The following RANBP10 variants were observed in gnomAD, a reference collection of about 807,000 sequenced individuals.
RANBP10 encodes the protein RAN binding protein 10, also known as ran-binding protein 10.
A neutral mutation model predicts 72.8 loss-of-function variants in RANBP10; 24 were observed. That is an observed-to-expected ratio of 0.33 (90% CI 0.24 to 0.46). RANBP10 has a LOEUF of 0.46. Among genes scored for constraint, RANBP10 ranks in the 20% least tolerant of loss-of-function variants. RANBP10 has a pLI of 1.00. For missense variants in RANBP10, 679 were observed against 817.5 expected (o/e 0.83, Z 2.07); for synonymous variants, 310 against 322.3 (o/e 0.96, Z 0.41).
At chr16:67,788,083 C>T (rs1223399048) in intron 2 of RANBP10, among the ~76,000 whole-genome samples, 8 of 152,048 alleles carry the variant, frequency 5.3e-5, no homozygotes, top group Admixed American at 2.0e-4. Context: ...ATGATCCACC[C>T]GCCTCAGCCT....
At chr16:67,752,358 G>A (rs898191646) in intron 3 of RANBP10, among the ~76,000 whole-genome samples, 3 of 152,138 alleles carry the variant, frequency 2.0e-5, no homozygotes, top group Admixed American at 1.3e-4. Context: ...ATGAGTCAAG[G>A]AACACAGGAG....
At chr16:67,757,530 G>A (rs913960922) in intron 3 of RANBP10, among the ~76,000 whole-genome samples, 4 of 152,082 alleles carry the variant, frequency 2.6e-5, no homozygotes, top group African/African-American at 4.8e-5. Context: ...GGTACATTGC[G>A]GGACATCATG....
intron 2 of RANBP10, among the ~76,000 whole-genome samples, chr16:67,790,246 G>A (rs187453267): frequency 6.6e-6 from 1 of 151,864 alleles, no homozygotes; most frequent in East Asian, 1.9e-4. Context: ...TCAAGAATAA[G>A]CAAATTCATA....
chr16:67,770,086 C>T (rs1362166591), intron 3 of RANBP10, among the ~76,000 whole-genome samples: 1 of 151,956 alleles, frequency 6.6e-6, no homozygotes, highest in Non-Finnish European at 1.5e-5. Context: ...CAAAAAAAAG[C>T]TCATAAAAGT....
At chr16:67,744,195 G>C (rs544552400) in intron 4 of RANBP10, 93 bp downstream of exon 4, 1 of 1,530,582 alleles carries the variant, frequency 6.5e-7, no homozygotes, top group African/African-American at 1.4e-5. Context: ...GAGCTCAGCA[G>C]AGGCGACACT....
chr16:67,759,333 T>C (rs1203147803), intron 3 of RANBP10, among the ~76,000 whole-genome samples: 1 of 152,246 alleles, frequency 6.6e-6, no homozygotes, highest in East Asian at 1.9e-4. Context: ...GCCCTGGTGC[T>C]GAACAGCTGC....
chr16:67,729,490 A>G lies in RANBP10; in HGVS notation c.1148-6T>C. ...ACAGCTGGGACTGTCTGCTCCTAGAAGCCAGGGTGACAGTCAGAAGAGGAG... is the reference window on the plus strand; with the variant it reads ...ACAGCTGGGACTGTCTGCTCCTAGAGGCCAGGGTGACAGTCAGAAGAGGAG... On this transcript the variant is annotated splice_region_variant and splice_polypyrimidine_tract_variant and intron_variant, in intron 9 of 13. Coordinates refer to ENST00000317506, the MANE Select transcript of RANBP10 (RefSeq NM_020850.3). This position sits in a 1 kb window ranked among gnomAD's most constrained non-coding sequence, Gnocchi z 7.1. The G allele has an allele frequency of 6.2e-7, 1 of 1,609,902 alleles. No homozygotes were observed. The highest frequency in any genetic ancestry group is 8.5e-7 in the Non-Finnish European group (1 of 1,178,220).
At chr16:67,779,711 C>A (rs1426747059) in intron 2 of RANBP10, among the ~76,000 whole-genome samples, 1 of 152,124 alleles carries the variant, frequency 6.6e-6, no homozygotes, top group Admixed American at 6.6e-5. Context: ...TTCTTCCAGT[C>A]ATTCATGTCA....
chr16:67,786,032 ACAT>A (rs965006591), intron 2 of RANBP10, among the ~76,000 whole-genome samples: 5 of 151,446 alleles, frequency 3.3e-5, no homozygotes, highest in Non-Finnish European at 7.4e-5. Flanking sequence ...AAAAAAAAAG[ACAT>A]CATCAAGAGG....
intron 4 of RANBP10, among the ~76,000 whole-genome samples, chr16:67,743,305 G>C (rs1025800225): frequency 1.3e-5 from 2 of 152,208 alleles, no homozygotes; most frequent in Admixed American, 6.5e-5. Flanking sequence ...TGGGCTGGTA[G>C]AGTTCTGCCA....
intron 2 of RANBP10, among the ~76,000 whole-genome samples, chr16:67,775,205 G>A (rs2054679328): frequency 6.6e-6 from 1 of 152,140 alleles, no homozygotes; most frequent in Non-Finnish European, 1.5e-5. Context: ...CCAGCTACCA[G>A]GGAGCTGAAG....
At chr16:67,750,702 C>G (rs1251116343) in intron 3 of RANBP10, among the ~76,000 whole-genome samples, 1 of 151,428 alleles carries the variant, frequency 6.6e-6, no homozygotes, top group Non-Finnish European at 1.5e-5. Context: ...GATTTTTATG[C>G]AAATTTTACT....
Position 67,752,602 on chromosome 16 carries a change from G to A in RANBP10, c.401-8147C>T, listed in dbSNP as rs368696998. Among the ~76,000 whole-genome samples the A allele has an allele frequency of 5.9e-5, 9 of 151,848 alleles. No homozygotes were observed. The East Asian group carries it at 1.5e-3, about 26-fold the overall frequency. On this transcript the variant is annotated intron_variant, in intron 3 of 13. Coordinates refer to ENST00000317506, the MANE Select transcript of RANBP10 (RefSeq NM_020850.3). ...CTGAAGCTATCAATATTTTTTTCCA[G>A]ACACAATAAGTGTCTGTGTGTATAT...
At chr16:67,753,880 A>G (rs928105837) in intron 3 of RANBP10, among the ~76,000 whole-genome samples, 2 of 152,174 alleles carry the variant, frequency 1.3e-5, no homozygotes, top group African/African-American at 4.8e-5. Context: ...CATGCCTGTG[A>G]TCCCAGCACT....
chr16:67,781,277 G>C (rs2054804661), intron 2 of RANBP10, among the ~76,000 whole-genome samples: 1 of 152,164 alleles, frequency 6.6e-6, no homozygotes, highest in Non-Finnish European at 1.5e-5. Context: ...ACAAACACCT[G>C]TTTACTTGAG....
In RANBP10 at chr16:67,730,610, C is replaced by T. The variant is rs148471353; in HGVS notation, c.890-564G>A. On this transcript the variant is annotated intron_variant, in intron 7 of 13. Coordinates refer to ENST00000317506, the MANE Select transcript of RANBP10 (RefSeq NM_020850.3). This position sits in a 1 kb window ranked among gnomAD's most constrained non-coding sequence, Gnocchi z 4.3. Reference sequence around the variant, plus strand: ...CACCTCTCACGCCATCAGCATCTTGCTGCTGCCTTTTCGCTCTTGCCGTGG... The same window carrying T: ...CACCTCTCACGCCATCAGCATCTTGTTGCTGCCTTTTCGCTCTTGCCGTGG... 3.9e-5 allele frequency among the ~76,000 whole-genome samples: 6 copies of T among 152,312 alleles called. No homozygotes were observed. Among genetic ancestry groups the T allele is most frequent in the African/African-American group, 1.4e-4 (6 of 41,572 alleles).
chr16:67,795,838 G>T (rs556339448), intron 2 of RANBP10, among the ~76,000 whole-genome samples: 1 of 151,452 alleles, frequency 6.6e-6, no homozygotes, highest in Middle Eastern at 3.4e-3. Flanking sequence ...CTGGGCGACA[G>T]AGTGAGACTC....
chr16:67,789,024 G>C (rs1289903483), intron 2 of RANBP10, among the ~76,000 whole-genome samples: 1 of 147,460 alleles, frequency 6.8e-6, no homozygotes, highest in East Asian at 2.0e-4. Context: ...AAATTATCCA[G>C]GCAGGCCGGG....
At chr16:67,774,740 C>A (rs1336226727) in intron 2 of RANBP10, among the ~76,000 whole-genome samples, 1 of 152,124 alleles carries the variant, frequency 6.6e-6, no homozygotes, top group East Asian at 1.9e-4. Context: ...CGAATAAGCC[C>A]CCACTCTTCA....
Sources: allele counts gnomAD v4.1 joint callset (sites outside exome capture counted in the v4.1 genomes callset), GRCh38; gene constraint gnomAD v4.1.1; non-coding constraint Gnocchi (gnomAD v3.1); transcripts MANE v1.5; gene names NCBI Gene and HGNC (gene_info 2026-07-23, HGNC 2026-07-21).